Variants in CTNND2 observed in about 807,000 individuals in gnomAD.
CTNND2 encodes the protein catenin delta 2.
In CTNND2, 22 loss-of-function variants were observed where a neutral mutation model predicts 144.4. That is an observed-to-expected ratio of 0.15 (90% CI 0.11 to 0.22). CTNND2 has a LOEUF of 0.22. CTNND2 is among the 10% of genes least tolerant of loss of function. CTNND2 has a pLI of 1.00. For synonymous variants in CTNND2, 751 were observed against 695.6 expected, an observed-to-expected ratio of 1.08 and a Z score of -1.25; for missense variants, 1,353 against 1,618.8, an observed-to-expected ratio of 0.84 and a Z score of 2.82.
chr5:11,461,038 G>A (rs78731123), intron 3 of CTNND2, among the ~76,000 whole-genome samples: 2 of 150,510 alleles, frequency 1.3e-5, no homozygotes, highest in African/African-American at 2.4e-5. Context: ...GCGAGACTCT[G>A]GAAAAAAAAA....
intron 9 of CTNND2, among the ~76,000 whole-genome samples, chr5:11,271,581 C>A (rs965995950): frequency 6.6e-6 from 1 of 152,120 alleles, no homozygotes; most frequent in African/African-American, 2.4e-5. Flanking sequence ...TCGCCCCCTG[C>A]CACCTGGACA....
chr5:11,491,748 A>G (rs1053697235), intron 3 of CTNND2, among the ~76,000 whole-genome samples: 1 of 152,214 alleles, frequency 6.6e-6, no homozygotes. Context: ...CCCTTGAAGC[A>G]GTTATTGATG....
At chr5:11,364,015 G>A (rs1379452301) in intron 8 of CTNND2, among the ~76,000 whole-genome samples, 1 of 152,196 alleles carries the variant, frequency 6.6e-6, no homozygotes, top group Admixed American at 6.5e-5. Context: ...TAAGATAAGT[G>A]TTCTCTAGCA....
intron 16 of CTNND2, among the ~76,000 whole-genome samples, chr5:11,080,175 C>T (rs890059053): frequency 6.6e-6 from 1 of 152,082 alleles, no homozygotes; most frequent in Admixed American, 6.5e-5. Flanking sequence ...TATGAATAGA[C>T]ATTACTTAAA....
At chr5:11,614,828 T>A (rs1205267686) in intron 2 of CTNND2, among the ~76,000 whole-genome samples, 1 of 152,196 alleles carries the variant, frequency 6.6e-6, no homozygotes, top group Non-Finnish European at 1.5e-5. Flanking sequence ...AATATCAGTG[T>A]GGCCCTGGAC....
chr5:10,993,026 A>G (rs1386178755), intron 18 of CTNND2, among the ~76,000 whole-genome samples: 1 of 152,192 alleles, frequency 6.6e-6, no homozygotes, highest in Non-Finnish European at 1.5e-5. Flanking sequence ...ACCTGGTTCC[A>G]GCTCTGCCTG....
chr5:11,796,665 A>G (rs1234036100), intron 1 of CTNND2, among the ~76,000 whole-genome samples: 1 of 152,184 alleles, frequency 6.6e-6, no homozygotes, highest in Non-Finnish European at 1.5e-5. Context: ...TTTTTTGAAA[A>G]TGAAATAATA....
chr5:11,740,203 T>C (rs1581803595), intron 1 of CTNND2, among the ~76,000 whole-genome samples: 2 of 152,144 alleles, frequency 1.3e-5, no homozygotes, highest in East Asian at 1.9e-4. Flanking sequence ...AAAGTTCATA[T>C]GGAACCAAAA....
intron 15 of CTNND2, among the ~76,000 whole-genome samples, chr5:11,089,310 C>T (rs771655124): frequency 4.6e-5 from 7 of 152,186 alleles, no homozygotes; most frequent in Non-Finnish European, 1.0e-4. Context: ...GAACCCTAGC[C>T]CTAAGGCTTT....
chr5:11,573,265 T>C (rs1377905448), intron 2 of CTNND2, among the ~76,000 whole-genome samples: 47 of 152,102 alleles, frequency 3.1e-4, no homozygotes, highest in Admixed American at 3.1e-3. Context: ...TAAGTAGATA[T>C]GATAGTATCA....
At chr5:11,704,199 G>A (rs565452109) in intron 2 of CTNND2, among the ~76,000 whole-genome samples, 8 of 152,220 alleles carry the variant, frequency 5.3e-5, no homozygotes, top group South Asian at 2.1e-4. Context: ...ATCTTGTTCC[G>A]GCCTGACCTC....
chr5:11,372,021 CT>C (rs1757517466), intron 7 of CTNND2, among the ~76,000 whole-genome samples: 1 of 152,136 alleles, frequency 6.6e-6, no homozygotes, highest in Admixed American at 6.5e-5. Context: ...AGCTTTGCTG[CT>C]TTCACTAATA....
Position 11,236,675 on chromosome 5 carries a change from T to C in CTNND2, c.1761+16A>G, listed in dbSNP as rs1371093684. ...GAATCTGACACCAATCATTTCAGAATCCAAGGAGCACTGACCTCGGCTTTA... is the reference window on the plus strand; with the variant it reads ...GAATCTGACACCAATCATTTCAGAACCCAAGGAGCACTGACCTCGGCTTTA... On this transcript the variant is annotated intron_variant, in intron 10 of 21. Transcript: ENST00000304623. The C allele has an allele frequency of 6.2e-7, 1 of 1,613,562 alleles. No homozygotes were observed. The highest frequency in any genetic ancestry group is 2.2e-5 in the East Asian group (1 of 44,880).
At chr5:11,184,004 C>T (rs906445635) in intron 11 of CTNND2, among the ~76,000 whole-genome samples, 4 of 152,174 alleles carry the variant, frequency 2.6e-5, no homozygotes, top group Admixed American at 2.0e-4. Flanking sequence ...TTCAAAACTG[C>T]AAACTCACTT....
chr5:11,235,816 C>T (rs1023737618), intron 10 of CTNND2, among the ~76,000 whole-genome samples: 1 of 152,182 alleles, frequency 6.6e-6, no homozygotes, highest in Non-Finnish European at 1.5e-5. Context: ...AGCCATGAGG[C>T]TATGTATATC....
intron 1 of CTNND2, among the ~76,000 whole-genome samples, chr5:11,819,302 C>T (rs1466852996): frequency 1.3e-5 from 2 of 151,790 alleles, no homozygotes; most frequent in Admixed American, 6.6e-5. Flanking sequence ...GGAGTGGTGG[C>T]GGGAGCCTGT....
chr5:11,309,622 G>A (rs1165544026), intron 9 of CTNND2, among the ~76,000 whole-genome samples: 1 of 152,174 alleles, frequency 6.6e-6, no homozygotes, highest in African/African-American at 2.4e-5. Context: ...CTGGACTGAG[G>A]ACTTTTGCGT....
intron 8 of CTNND2, among the ~76,000 whole-genome samples, chr5:11,358,037 G>A (rs76075465): frequency 6.6e-4 from 100 of 152,124 alleles, no homozygotes; most frequent in African/African-American, 2.1e-3. Context: ...TCAATGTGCC[G>A]TTGAAATCTC....
intron 9 of CTNND2, among the ~76,000 whole-genome samples, chr5:11,249,456 G>A (rs764180822): frequency 2.0e-5 from 3 of 152,196 alleles, no homozygotes; most frequent in Non-Finnish European, 4.4e-5. Context: ...TGGGTGCTAC[G>A]AGGATGTAGG....
Sources: gnomAD v4.1 joint callset for allele counts (sites outside exome capture counted in the v4.1 genomes callset) on GRCh38, gnomAD v4.1.1 for gene constraint, MANE v1.5 for transcripts, NCBI Gene and HGNC (gene_info 2026-07-23, HGNC 2026-07-21) for gene names.